The following LRP1 variants were observed in gnomAD, a reference collection of about 807,000 sequenced individuals.
The protein encoded by LRP1 is LDL receptor related protein 1.
Under a neutral mutation model 541.5 loss-of-function variants are expected in LRP1, and 51 were observed. The ratio of observed to expected loss-of-function variants is 0.09; its 90% CI spans 0.08 to 0.12. The LOEUF (loss-of-function observed/expected upper bound fraction) is 0.12, where lower values mean the gene tolerates loss of function less well. Ranked by LOEUF, LRP1 falls within the 10% of genes least tolerant of loss-of-function variation. The pLI is 1.00. For synonymous variants in LRP1, 2,219 were observed against 2,470.8 expected, an observed-to-expected ratio of 0.90 and a Z score of 3.02; for missense variants, 3,878 against 6,376.2, an observed-to-expected ratio of 0.61 and a Z score of 13.34.
At position 57,141,356 on chromosome 12, in the gene LRP1, C is replaced by G. The variant is rs748851772; in HGVS notation, c.191-18C>G. 2.1e-5 allele frequency: 34 copies of G among 1,614,038 alleles called. No homozygotes were observed. Among genetic ancestry groups the G allele is most frequent in the Non-Finnish European group, 2.8e-5 (33 of 1,179,946 alleles). ...CCATAGCCAGCTTGTTCATGCCCAC[C>G]CTTCTGTCTGCCCTCAGGTCCACAG... is the stretch of plus-strand genomic sequence containing the variant. On this transcript the variant is annotated intron_variant, in intron 2 of 88. Transcript: ENST00000243077.
chr12:57,210,727 C>A lies in LRP1; in HGVS notation c.12764C>A (p.Thr4255Lys). 1 of 1,608,826 alleles carries A rather than the reference C, an allele frequency of 6.2e-7. No homozygotes were observed. The highest frequency in any genetic ancestry group is 8.5e-7 in the Non-Finnish European group (1 of 1,176,132). ...CATCCTCTCCCACCAGGCATGCCCA[C>A]GTGCCGGTGCCCCACGGGCTTCACG... ...TCAASPSGMPTCRCPTGFTGP... is the reference protein window; with the variant it reads ...TCAASPSGMPKCRCPTGFTGP... Residue 4255 changes from threonine to lysine, a missense_variant, in exon 83 of 89, where the codon ACG becomes AAG. Thr to Lys is a moderately conservative substitution (Grantham distance 78). Coordinates refer to ENST00000243077, the MANE Select transcript of LRP1 (RefSeq NM_002332.3).
Position 57,204,936 on chromosome 12 carries a change from G to A in LRP1, c.11195-173G>A. ...GAGAAGCCCCTGGGGAAGGCTCTGG[G>A]GGCTGCCTGATGCCTTAGGTCTTGG... On this transcript the variant is annotated intron_variant, in intron 72 of 88. Transcript: ENST00000243077. This position sits in a 1 kb window ranked among gnomAD's most constrained non-coding sequence, Gnocchi z 5.3. The A allele has an allele frequency of 7.5e-7, 1 of 1,325,138 alleles. No individual in the cohort carries two copies. The highest frequency in any genetic ancestry group is 1.5e-5 in the South Asian group (1 of 68,438). 82.1% of individuals were successfully genotyped at this position (1,325,138 alleles called of 1,614,324 possible). A position where few individuals can be genotyped will look rare whatever the true frequency, so the allele number is the denominator to read the frequency against.
intron 6 of LRP1, among the ~76,000 whole-genome samples, chr12:57,150,314 C>T (rs1208659044): frequency 6.6e-6 from 1 of 150,800 alleles, no homozygotes; most frequent in Admixed American, 6.6e-5. Context: ...GCCTCAGGCT[C>T]CCGAGTAGCT....
At chr12:57,182,343 T>A (rs1279407608) in intron 34 of LRP1, among the ~76,000 whole-genome samples, 3 of 151,996 alleles carry the variant, frequency 2.0e-5, no homozygotes, top group Non-Finnish European at 4.4e-5. Context: ...AAACTCCGTC[T>A]CTACTAAAAC....
rs2036736241 is a variant in LRP1, at chr12:57,204,802, G to C, written c.11194+53G>C. 6.2e-7 allele frequency: 1 copy of C among 1,604,156 alleles called. No individual in the cohort carries two copies. Among genetic ancestry groups the C allele is most frequent in the Non-Finnish European group, 8.5e-7 (1 of 1,172,734 alleles). Reference sequence around the variant, plus strand: ...CAGGGGACGGGTAGTGCACAGTGGGGTGAGTCTGGTCCTCGTGGGAGCTGC... The same window carrying C: ...CAGGGGACGGGTAGTGCACAGTGGGCTGAGTCTGGTCCTCGTGGGAGCTGC... On this transcript the variant is annotated intron_variant, in intron 72 of 88. Transcript: ENST00000243077. This position sits in a 1 kb window ranked among gnomAD's most constrained non-coding sequence, Gnocchi z 5.3.
chr12:57,194,396 G>A lies in LRP1; in HGVS notation c.7961G>A (p.Gly2654Asp). 6.6e-7 allele frequency: 1 copy of A among 1,519,752 alleles called. No individual in the cohort carries two copies. Among genetic ancestry groups the A allele is most frequent in the Non-Finnish European group, 8.8e-7 (1 of 1,134,454 alleles). 94.1% of individuals were successfully genotyped at this position (1,519,752 alleles called of 1,614,324 possible). A position where few individuals can be genotyped will look rare whatever the true frequency, so the allele number is the denominator to read the frequency against. ...AGCTACTTCCGCCTGGGCGTGAAGG[G>A]CGTGCTCTTCCAGCCCTGCGAGCGG... ...CSSYFRLGVK[G>D]VLFQPCERTS... Residue 2654 changes from glycine to aspartate, a missense_variant, in exon 49 of 89, where the codon GGC (glycine) becomes GAC (aspartate). Gly to Asp is a moderately conservative substitution (Grantham distance 94). Around this residue, in one of 13 missense-constraint regions of LRP1, gnomAD observed 1,100 missense variants for 1,827.4 expected, o/e 0.60. Transcript: ENST00000243077.
intron 42 of LRP1, among the ~76,000 whole-genome samples, chr12:57,188,629 C>T (rs1468166285): frequency 6.6e-6 from 1 of 152,202 alleles, no homozygotes; most frequent in African/African-American, 2.4e-5. Flanking sequence ...GCCTGGCCCT[C>T]GTCCCAGAGG....
In LRP1 at chr12:57,183,258, T is replaced by C; in HGVS notation, c.5663-121T>C. On this transcript the variant is annotated intron_variant, in intron 34 of 88. Coordinates refer to ENST00000243077, the MANE Select transcript of LRP1 (RefSeq NM_002332.3). The surrounding 1 kb of genome is among the most constrained non-coding windows in gnomAD (Gnocchi z 6.1). Reference sequence around the variant, plus strand: ...TAGGGTGTGTGTGCTGGGTGGAGGATAGGGATGATGGTGGGGGGGGATGAT... The same window carrying C: ...TAGGGTGTGTGTGCTGGGTGGAGGACAGGGATGATGGTGGGGGGGGATGAT... 9.1e-7 allele frequency: 1 copy of C among 1,096,768 alleles called. No homozygotes were observed. Among genetic ancestry groups the C allele is most frequent in the Non-Finnish European group, 1.3e-6 (1 of 753,348 alleles). The allele number at this position is 1,096,768 out of a possible 1,614,324, so 67.9% of individuals were successfully genotyped here. A position where few individuals can be genotyped will look rare whatever the true frequency, so the allele number is the denominator to read the frequency against.
rs141139469 is a variant in LRP1 at position 57,159,882 on chromosome 12, C to A, written c.1856C>A (p.Thr619Lys). Residue 619 changes from threonine (T) to lysine (K), a missense_variant, in exon 12 of 89, where the codon ACG becomes AAG. Coordinates refer to ENST00000243077, the MANE Select transcript of LRP1 (RefSeq NM_002332.3). ...VDWMGDNLYW[T>K]DDGPKKTISV... ...TGGATGGGAGACAATCTGTACTGGA[C>A]GGACGATGGGCCCAAAAAGACAATC... The A allele has an allele frequency of 6.2e-7, 1 of 1,614,132 alleles. No homozygotes were observed. Among genetic ancestry groups the A allele is most frequent in the Non-Finnish European group, 8.5e-7 (1 of 1,180,034 alleles).
chr12:57,197,416 C>T lies in LRP1; in HGVS notation c.9162+32C>T. 3.7e-6 allele frequency: 6 copies of T among 1,609,756 alleles called. No homozygotes were observed. Among genetic ancestry groups the T allele is most frequent in the Non-Finnish European group, 5.1e-6 (6 of 1,176,534 alleles). On this transcript the variant is annotated intron_variant, in intron 57 of 88. Coordinates refer to ENST00000243077, the MANE Select transcript of LRP1 (RefSeq NM_002332.3). This position sits in a 1 kb window ranked among gnomAD's most constrained non-coding sequence, Gnocchi z 4.5. The stretch of plus-strand genomic sequence containing the variant: ...AACCCAGGCCCTCCTCCCCGCTGCC[C>T]ATCTCCCAGACCCAGCACAGCCTCC...
chr12:57,187,089 G>A (rs979204362), intron 41 of LRP1, among the ~76,000 whole-genome samples, 178 bp from the exon 42 acceptor site: 2 of 152,124 alleles, frequency 1.3e-5, no homozygotes, highest in Non-Finnish European at 2.9e-5. Flanking sequence ...GCAGAGGTTG[G>A]GGGCACTGAG....
chr12:57,212,627 C>T lies in LRP1; in HGVS notation c.*72C>T. Reference sequence around the variant, plus strand: ...CAGTGAAGTCCTTCAGTGAGCCCCTCCCCAGCCAGCCCTTCCCTGGCCCCG... The same window carrying T: ...CAGTGAAGTCCTTCAGTGAGCCCCTTCCCAGCCAGCCCTTCCCTGGCCCCG... On this transcript the variant is annotated 3_prime_UTR_variant, in exon 89 of 89. Coordinates refer to ENST00000243077, the MANE Select transcript of LRP1 (RefSeq NM_002332.3). This position sits in a 1 kb window ranked among gnomAD's most constrained non-coding sequence, Gnocchi z 5.0. The T allele has an allele frequency of 1.4e-6, 2 of 1,436,066 alleles. No individual in the cohort carries two copies. Among genetic ancestry groups the T allele is most frequent in the Non-Finnish European group, 9.4e-7 (1 of 1,067,582 alleles). 89.0% of individuals were successfully genotyped at this position (1,436,066 alleles called of 1,614,324 possible). A position where few individuals can be genotyped will look rare whatever the true frequency, so the allele number is the denominator to read the frequency against.
Position 57,170,631 on chromosome 12 carries a change from C to T in LRP1, c.3163+1324C>T, listed in dbSNP as rs557820990. 2.0e-5 allele frequency among the ~76,000 whole-genome samples: 3 copies of T among 152,178 alleles called. No homozygotes were observed. In the South Asian group the frequency reaches 6.2e-4, roughly 32 times the overall value. ...TCCAGGAGTTTAAGACCAGCCTGGG[C>T]AACATAGTGAGACCCCTTTCTCTAC... is the stretch of plus-strand genomic sequence containing the variant. On this transcript the variant is annotated intron_variant, in intron 20 of 88. Coordinates refer to ENST00000243077, the MANE Select transcript of LRP1 (RefSeq NM_002332.3).
Position 57,200,826 on chromosome 12 carries a change from G to GAACC in LRP1, c.10225+11_10225+12insAACC. 1 of 1,581,438 alleles carries GAACC rather than the reference G, an allele frequency of 6.3e-7. No homozygotes were observed. The highest frequency in any genetic ancestry group is 8.6e-7 in the Non-Finnish European group (1 of 1,157,680). ...ACGAGGCCAACTGTGGTAAGGCGCT[G>GAACC]CCCGCCCACCCTCCCTCCTTCCCCA... On this transcript the variant is annotated intron_variant, in intron 64 of 88. Transcript: ENST00000243077.
Position 57,166,130 on chromosome 12 carries a change from G to A in LRP1, c.2718G>A (p.Arg906=), listed in dbSNP as rs149644862. The stretch of plus-strand genomic sequence containing the variant: ...ACCGATTCAAGTGCGAGAACAACCG[G>A]TGCATCCCCAACCGCTGGCTCTGCG... ...PSDRFKCENN[R]CIPNRWLCDG... The change falls in exon 17 of 89, where the codon CGG becomes CGA. Residue 906 remains arginine, a synonymous_variant. Coordinates refer to ENST00000243077, the MANE Select transcript of LRP1 (RefSeq NM_002332.3). 9.7e-5 allele frequency: 156 copies of A among 1,614,090 alleles called. No individual in the cohort carries two copies. The highest frequency in any genetic ancestry group is 1.7e-5 in the Non-Finnish European group (20 of 1,180,042).
chr12:57,167,291 T>C (rs2035858640), intron 18 of LRP1, among the ~76,000 whole-genome samples, 153 bp from the exon 19 acceptor site: 1 of 151,102 alleles, frequency 6.6e-6, no homozygotes, highest in South Asian at 2.1e-4. Context: ...GTGAGTGGAG[T>C]TTCCAGCCGA....
At chr12:57,160,456 G>A (rs1463140875) in intron 12 of LRP1, among the ~76,000 whole-genome samples, 1 of 152,058 alleles carries the variant, frequency 6.6e-6, no homozygotes, top group Non-Finnish European at 1.5e-5. Flanking sequence ...GATATTTGCC[G>A]GACTGGCTTC....
rs928506467 is a variant in LRP1 at position 57,189,410 on chromosome 12, C to T, written c.7032-1395C>T. ...CTAGAAGGACACGCCGCCTCCCTCC[C>T]AACTTACATCCCGATTCCAGAGCCA... On this transcript the variant is annotated intron_variant, in intron 42 of 88. Transcript: ENST00000243077. This position sits in a 1 kb window ranked among gnomAD's most constrained non-coding sequence, Gnocchi z 4.4. 3.3e-5 allele frequency among the ~76,000 whole-genome samples: 5 copies of T among 152,158 alleles called. No individual in the cohort carries two copies. The highest frequency in any genetic ancestry group is 7.4e-5 in the Non-Finnish European group (5 of 68,024).
At chr12:57,188,234 G>T (rs189984196) in intron 42 of LRP1, among the ~76,000 whole-genome samples, 2 of 152,150 alleles carry the variant, frequency 1.3e-5, no homozygotes, top group African/African-American at 4.8e-5. Flanking sequence ...CCCTCATCCC[G>T]GCTGTTTGGG....
Sources: allele counts gnomAD v4.1 joint callset (sites outside exome capture counted in the v4.1 genomes callset), GRCh38; gene constraint gnomAD v4.1.1; regional missense constraint gnomAD v4.1.1; non-coding constraint Gnocchi (gnomAD v3.1); transcripts MANE v1.5; gene names NCBI Gene and HGNC (gene_info 2026-07-23, HGNC 2026-07-21).